Variants in DCC observed in about 807,000 individuals in gnomAD.
DCC encodes the protein DCC netrin 1 receptor.
Under a neutral mutation model 172.5 loss-of-function variants are expected in DCC, and 58 were observed. The observed-to-expected ratio is 0.34, with a 90% CI of 0.27 to 0.42. The LOEUF (loss-of-function observed/expected upper bound fraction) is 0.42, where lower values mean the gene tolerates loss of function less well. Among genes scored for constraint, DCC ranks in the 10% least tolerant of loss-of-function variants. The probability of loss-of-function intolerance (pLI) is 1.00; values close to 1 mark genes in which losing one functional copy is unlikely to be tolerated. For missense variants in DCC, 1,740 were observed against 1,791.0 expected, an observed-to-expected ratio of 0.97 and a Z score of 0.51; for synonymous variants, 709 against 644.5, an observed-to-expected ratio of 1.10 and a Z score of -1.52.
At chr18:52,412,534 C>A (rs1447060237) in intron 1 of DCC, among the ~76,000 whole-genome samples, 2 of 151,876 alleles carry the variant, frequency 1.3e-5, no homozygotes, top group African/African-American at 2.4e-5. Flanking sequence ...TTTGATGAAA[C>A]ATCAAATTTC....
At chr18:53,401,534 G>T (rs1305020704) in intron 18 of DCC, among the ~76,000 whole-genome samples, 1 of 152,086 alleles carries the variant, frequency 6.6e-6, no homozygotes, top group Non-Finnish European at 1.5e-5. Flanking sequence ...GAAATACAGT[G>T]TTAATAATGT....
At position 52,507,068 on chromosome 18, in the gene DCC, T is replaced by TA. The variant is rs199704367; in HGVS notation, c.91+166197dup. On this transcript the variant is annotated intron_variant, in intron 1 of 28. Coordinates refer to ENST00000442544, the MANE Select transcript of DCC (RefSeq NM_005215.4). ...AAATGCAAAATGGGCACCAAATAGT[T>TA]AAAAAAAGACTAAGAAAATGAGGCT... Among the ~76,000 whole-genome samples, 869 of 152,154 alleles carry TA rather than the reference T, an allele frequency of 5.7e-3. 12 individuals are homozygous for TA. Among genetic ancestry groups the TA allele is most frequent in the African/African-American group, 0.02 (839 of 41,520 alleles).
At chr18:53,038,356 G>A (rs961283459) in intron 5 of DCC, among the ~76,000 whole-genome samples, 8 of 151,998 alleles carry the variant, frequency 5.3e-5, no homozygotes, top group East Asian at 3.9e-4. Context: ...AACAACAGAC[G>A]TTTATTTCCC....
chr18:53,270,739 C>A (rs578018737), intron 12 of DCC, among the ~76,000 whole-genome samples: 24 of 152,142 alleles, frequency 1.6e-4, no homozygotes, highest in Non-Finnish European at 3.5e-4. Flanking sequence ...AGGGCCCTAA[C>A]CTATGTAGAT....
At chr18:52,797,654 G>A (rs540690380) in intron 2 of DCC, among the ~76,000 whole-genome samples, 32 of 152,296 alleles carry the variant, frequency 2.1e-4, no homozygotes, top group South Asian at 4.1e-4. Context: ...CAAATGTTGG[G>A]TCTGACCTCA....
chr18:53,453,205 G>A (rs762446434), intron 23 of DCC, among the ~76,000 whole-genome samples: 11 of 152,062 alleles, frequency 7.2e-5, no homozygotes, highest in Non-Finnish European at 1.2e-4. Flanking sequence ...GTGAGCCACC[G>A]CGCCCGGCCC....
chr18:53,359,894 G>C (rs2144928654), intron 15 of DCC, among the ~76,000 whole-genome samples: 1 of 152,192 alleles, frequency 6.6e-6, no homozygotes, highest in East Asian at 1.9e-4. Flanking sequence ...TTCGAGGCTT[G>C]TATCCCATCT....
At chr18:52,796,577 C>A (rs891999697) in intron 2 of DCC, among the ~76,000 whole-genome samples, 1 of 152,024 alleles carries the variant, frequency 6.6e-6, no homozygotes, top group Non-Finnish European at 1.5e-5. Context: ...TGAAAGATAC[C>A]TTTGCTGGGT....
intron 27 of DCC, among the ~76,000 whole-genome samples, chr18:53,519,109 T>G (rs2046371197): frequency 6.6e-6 from 1 of 152,108 alleles, no homozygotes; most frequent in Admixed American, 6.6e-5. Flanking sequence ...GAAATCCAAA[T>G]GTAAAGTTAA....
chr18:52,540,326 C>T (rs2032403134), intron 1 of DCC, among the ~76,000 whole-genome samples: 1 of 151,836 alleles, frequency 6.6e-6, no homozygotes, highest in Non-Finnish European at 1.5e-5. Context: ...ACTTGGGAGA[C>T]TAAGGTGGGA....
intron 26 of DCC, among the ~76,000 whole-genome samples, chr18:53,496,045 C>T (rs976683892): frequency 5.3e-5 from 8 of 152,298 alleles, no homozygotes; most frequent in African/African-American, 1.4e-4. Context: ...CAGACCTAAA[C>T]GTCCCTGCCT....
At chr18:52,898,186 C>T (rs147269969) in intron 2 of DCC, among the ~76,000 whole-genome samples, 126 of 152,294 alleles carry the variant, frequency 8.3e-4, no homozygotes, top group African/African-American at 2.9e-3. Context: ...GGCGTGTTTC[C>T]AACCCCAAGG....
intron 1 of DCC, among the ~76,000 whole-genome samples, chr18:52,698,284 G>C (rs928588759): frequency 6.6e-6 from 1 of 152,128 alleles, no homozygotes; most frequent in Non-Finnish European, 1.5e-5. Context: ...TGAACTTCTT[G>C]AAAATGTTGA....
At chr18:52,989,826 C>T (rs542093902) in intron 5 of DCC, among the ~76,000 whole-genome samples, 1 of 152,212 alleles carries the variant, frequency 6.6e-6, no homozygotes, top group East Asian at 1.9e-4. Flanking sequence ...TAGCAGAAAG[C>T]AATTTCAATC....
chr18:53,171,590 A>T (rs2144445289), intron 8 of DCC, among the ~76,000 whole-genome samples: 1 of 152,328 alleles, frequency 6.6e-6, no homozygotes, highest in East Asian at 1.9e-4. Context: ...AATCTTCCCC[A>T]TTATGAAATC....
At chr18:53,278,068 CA>C (rs1053211338) in intron 12 of DCC, among the ~76,000 whole-genome samples, 2 of 151,814 alleles carry the variant, frequency 1.3e-5, no homozygotes, top group South Asian at 2.1e-4. Flanking sequence ...ATCTTAATAA[CA>C]AAAAAATTAA....
intron 7 of DCC, among the ~76,000 whole-genome samples, chr18:53,122,076 AGTT>A (rs1462448498): frequency 6.6e-6 from 1 of 152,046 alleles, no homozygotes; most frequent in Non-Finnish European, 1.5e-5. Flanking sequence ...TTTCTTCTCT[AGTT>A]GTTGTTATCC....
chr18:52,615,423 A>T (rs569240247), intron 1 of DCC, among the ~76,000 whole-genome samples: 48 of 152,282 alleles, frequency 3.2e-4, no homozygotes, highest in Admixed American at 1.2e-3. Flanking sequence ...ACATTCAGAG[A>T]TGTTACATGG....
chr18:52,502,281 A>G (rs2144629246), intron 1 of DCC, among the ~76,000 whole-genome samples: 1 of 152,272 alleles, frequency 6.6e-6, no homozygotes, highest in Non-Finnish European at 1.5e-5. Context: ...TGTTCAATCC[A>G]CCTCTGCAGG....
Sources: allele counts gnomAD v4.1 joint callset (sites outside exome capture counted in the v4.1 genomes callset), GRCh38; gene constraint gnomAD v4.1.1; transcripts MANE v1.5; gene names NCBI Gene and HGNC (gene_info 2026-07-23, HGNC 2026-07-21).